Variants in LSAMP observed in about 807,000 individuals in gnomAD.
LSAMP encodes limbic system-associated membrane protein.
LSAMP carries 7 observed loss-of-function variants against 38.6 expected under a neutral mutation model. The observed-to-expected ratio is 0.18, with a 90% CI of 0.10 to 0.34. The LOEUF is 0.34. Among genes scored for constraint, LSAMP ranks in the 10% least tolerant of loss-of-function variants. The probability of loss-of-function intolerance (pLI) is 1.00; values close to 1 mark genes in which losing one functional copy is unlikely to be tolerated. For synonymous variants in LSAMP, 154 were observed against 166.8 expected (o/e 0.92, Z 0.59); for missense variants, 313 against 420.0 (o/e 0.75, Z 2.23).
chr3:116,306,349 A>G (rs1192528454), intron 1 of LSAMP, among the ~76,000 whole-genome samples: 1 of 152,036 alleles, frequency 6.6e-6, no homozygotes, highest in Non-Finnish European at 1.5e-5. Context: ...AAGGATAGTC[A>G]TTTACTGAGA....
rs527378016 is a variant in LSAMP, at chr3:116,021,003, A to AT, written c.389-1364dup. 8.5e-5 allele frequency among the ~76,000 whole-genome samples: 13 copies of AT among 152,270 alleles called. 1 individual carries two copies. The South Asian group carries it at 2.7e-3, about 32-fold the overall frequency. ...AGCCAAACGATCCCTGCAAATCTTC[A>AT]TTAGGAGACACTGATGGTACTTGGG... On this transcript the variant is annotated intron_variant, in intron 2 of 6. Coordinates refer to ENST00000490035, the MANE Select transcript of LSAMP (RefSeq NM_002338.5).
intron 1 of LSAMP, among the ~76,000 whole-genome samples, chr3:116,282,440 CT>C (rs1240768020): frequency 2.0e-5 from 3 of 152,090 alleles, no homozygotes; most frequent in Admixed American, 2.0e-4. Context: ...TTGTAACATT[CT>C]TTTTTTCTTA....
chr3:116,121,860 T>G (rs1434367411), intron 1 of LSAMP, among the ~76,000 whole-genome samples: 2 of 150,536 alleles, frequency 1.3e-5, no homozygotes, highest in East Asian at 1.9e-4. Flanking sequence ...TAAACTTTCT[T>G]AAAACATTAT....
At chr3:116,272,431 C>G (rs2046986782) in intron 1 of LSAMP, among the ~76,000 whole-genome samples, 1 of 152,124 alleles carries the variant, frequency 6.6e-6, no homozygotes, top group Admixed American at 6.5e-5. Flanking sequence ...AAGCACTGAT[C>G]CCTAGTCAAT....
chr3:116,026,020 A>C (rs2107696593), intron 2 of LSAMP, among the ~76,000 whole-genome samples: 1 of 152,252 alleles, frequency 6.6e-6, no homozygotes, highest in South Asian at 2.1e-4. Context: ...CCTGGGCTCA[A>C]GCGATTCTTC....
chr3:116,179,959 C>T (rs1387956787), intron 1 of LSAMP, among the ~76,000 whole-genome samples: 2 of 152,078 alleles, frequency 1.3e-5, no homozygotes, highest in Non-Finnish European at 2.9e-5. Context: ...TGTGCTTGGC[C>T]AAAGAAGTAG....
chr3:116,033,397 C>G (rs757880788), intron 2 of LSAMP, among the ~76,000 whole-genome samples: 3 of 152,090 alleles, frequency 2.0e-5, no homozygotes, highest in Non-Finnish European at 4.4e-5. Flanking sequence ...GTTCAGAGCC[C>G]TGGGCATGTT....
At chr3:116,106,623 A>C (rs1287178489) in intron 1 of LSAMP, among the ~76,000 whole-genome samples, 1 of 152,146 alleles carries the variant, frequency 6.6e-6, no homozygotes, top group Non-Finnish European at 1.5e-5. Context: ...TGCTTGGCTG[A>C]TTTGACTAAT....
chr3:116,090,912 A>C (rs1559738947), intron 1 of LSAMP, among the ~76,000 whole-genome samples: 1 of 152,210 alleles, frequency 6.6e-6, no homozygotes, highest in African/African-American at 2.4e-5. Flanking sequence ...AAAATTGCTA[A>C]TGAAGTTTCG....
chr3:116,307,779 GA>G (rs1428564880), intron 1 of LSAMP, among the ~76,000 whole-genome samples: 1 of 151,596 alleles, frequency 6.6e-6, no homozygotes, highest in Non-Finnish European at 1.5e-5. Flanking sequence ...ACCATAAAAA[GA>G]AAAAAATTTT....
intron 2 of LSAMP, among the ~76,000 whole-genome samples, chr3:116,074,214 TGAG>T (rs1424269589): frequency 2.6e-5 from 4 of 152,236 alleles, no homozygotes; most frequent in African/African-American, 9.6e-5. Context: ...GCCTCAGTTT[TGAG>T]GATGCCTGGA....
At chr3:116,207,242 T>C (rs922914381) in intron 1 of LSAMP, among the ~76,000 whole-genome samples, 10 of 152,222 alleles carry the variant, frequency 6.6e-5, no homozygotes, top group African/African-American at 2.4e-4. Flanking sequence ...CCTTTTTCTG[T>C]TTTCCATTTG....
At chr3:115,828,484 C>T (rs756830366) in intron 6 of LSAMP, among the ~76,000 whole-genome samples, 14 of 152,146 alleles carry the variant, frequency 9.2e-5, no homozygotes, top group African/African-American at 1.9e-4. Flanking sequence ...TTCTCACAGT[C>T]GACTGCTATG....
intron 1 of LSAMP, among the ~76,000 whole-genome samples, chr3:116,222,718 TC>T (rs2046301647): frequency 8.4e-6 from 1 of 119,396 alleles, no homozygotes; most frequent in Admixed American, 1.0e-4. Flanking sequence ...TTTCATCCTC[TC>T]CTTTTTTTTT....
At position 116,118,313 on chromosome 3, in the gene LSAMP, T is replaced by TC. The variant is rs112535520; in HGVS notation, c.156-31758dup. Among the ~76,000 whole-genome samples, 819 of 152,196 alleles carry TC rather than the reference T, an allele frequency of 5.4e-3. 10 individuals are homozygous for TC. The highest frequency in any genetic ancestry group is 0.018 in the African/African-American group (756 of 41,528). On this transcript the variant is annotated intron_variant, in intron 1 of 6. Coordinates refer to ENST00000490035, the MANE Select transcript of LSAMP (RefSeq NM_002338.5). ...CATCCCAACCCCAACCTTCCTTCCT[T>TC]CCCCCTATTTCCAGTAGTATTTGGT... is the stretch of plus-strand genomic sequence containing the variant.
intron 2 of LSAMP, among the ~76,000 whole-genome samples, chr3:116,027,468 C>A (rs1940820499): frequency 6.6e-6 from 1 of 152,088 alleles, no homozygotes; most frequent in Non-Finnish European, 1.5e-5. Context: ...TCCAATGGAC[C>A]ACCTGCTTTA....
chr3:115,821,536 C>T (rs1460722745), intron 6 of LSAMP, among the ~76,000 whole-genome samples: 1 of 148,444 alleles, frequency 6.7e-6, no homozygotes, highest in Non-Finnish European at 1.5e-5. Flanking sequence ...CTGCTGCAGC[C>T]ATTTGAAAAA....
chr3:116,398,804 T>C (rs367844420), intron 1 of LSAMP, among the ~76,000 whole-genome samples: 10 of 152,360 alleles, frequency 6.6e-5, no homozygotes, highest in African/African-American at 2.2e-4. Context: ...AAGACTTCAC[T>C]GTTCTCAACG....
chr3:116,005,526 C>A (rs1398343502), intron 3 of LSAMP, among the ~76,000 whole-genome samples: 1 of 152,162 alleles, frequency 6.6e-6, no homozygotes, highest in African/African-American at 2.4e-5. Context: ...TGAAGATTCA[C>A]ATACATTCTC....
Sources: allele counts gnomAD v4.1 joint callset (sites outside exome capture counted in the v4.1 genomes callset), GRCh38; gene constraint gnomAD v4.1.1; transcripts MANE v1.5; gene names NCBI Gene and HGNC (gene_info 2026-07-23, HGNC 2026-07-21).